SLC1A1: variants seen among roughly 807,000 people sequenced by gnomAD.
The protein encoded by SLC1A1 is excitatory amino acid transporter 3.
In SLC1A1, 43 loss-of-function variants were observed where a neutral mutation model predicts 53.3. The ratio of observed to expected loss-of-function variants is 0.81; its 90% CI spans 0.63 to 1.04. The LOEUF is 1.04. Ranked by LOEUF, SLC1A1 falls within the 50% of genes least tolerant of loss-of-function variation. The probability of loss-of-function intolerance (pLI) is 0.00; values close to 1 mark genes in which losing one functional copy is unlikely to be tolerated. For synonymous variants in SLC1A1, 307 were observed against 243.2 expected, an observed-to-expected ratio of 1.26 and a Z score of -2.44; for missense variants, 748 against 664.9, an observed-to-expected ratio of 1.12 and a Z score of -1.37.
chr9:4,557,033 A>G (rs1818461735), intron 2 of SLC1A1, among the ~76,000 whole-genome samples: 1 of 152,148 alleles, frequency 6.6e-6, no homozygotes. Flanking sequence ...GAACCAAACT[A>G]AACCACCATG....
At chr9:4,516,373 C>A (rs960568756) in intron 1 of SLC1A1, among the ~76,000 whole-genome samples, 5 of 152,172 alleles carry the variant, frequency 3.3e-5, no homozygotes, top group African/African-American at 1.2e-4. Flanking sequence ...TGTGGCAGAG[C>A]CAGAATGGCT....
At chr9:4,563,529 C>G (rs542619672) in intron 3 of SLC1A1, among the ~76,000 whole-genome samples, 16 of 152,322 alleles carry the variant, frequency 1.1e-4, no homozygotes, top group Non-Finnish European at 1.9e-4. Flanking sequence ...CATTCAGCAT[C>G]CCAGAGCCCT....
chr9:4,532,424 C>G (rs556891916), intron 1 of SLC1A1, among the ~76,000 whole-genome samples: 1 of 152,066 alleles, frequency 6.6e-6, no homozygotes, highest in Admixed American at 6.5e-5. Context: ...ATGCACAAGC[C>G]TCAGTAGCCG....
Position 4,503,916 on chromosome 9 carries a change from T to G in SLC1A1, c.91+13146T>G, listed in dbSNP as rs1264874153. 1.3e-5 allele frequency among the ~76,000 whole-genome samples: 2 copies of G among 148,232 alleles called. 1 individual carries two copies. Among genetic ancestry groups the G allele is most frequent in the African/African-American group, 5.3e-5 (2 of 37,804 alleles). ...GATCCCCTAGAAGCCCACTCAGTTG[T>G]ATGAGTTTTTGAGTGAAGACCATGA... On this transcript the variant is annotated intron_variant, in intron 1 of 11. Transcript: ENST00000262352.
chr9:4,490,864 C>G (rs1820209394), intron 1 of SLC1A1, 94 bp downstream of exon 1: 1 of 1,079,622 alleles, frequency 9.3e-7, no homozygotes, highest in Non-Finnish European at 1.4e-6. Flanking sequence ...CGCTGGCGCA[C>G]TCCATGCAGG....
intron 1 of SLC1A1, among the ~76,000 whole-genome samples, chr9:4,509,968 G>A (rs755548552): frequency 1.8e-4 from 28 of 152,078 alleles, no homozygotes; most frequent in African/African-American, 6.3e-4. Context: ...CAAGTAGCTG[G>A]GATTACAGGC....
chr9:4,490,540 A>T lies in SLC1A1; in HGVS notation c.-140A>T. 2.0e-6 allele frequency: 1 copy of T among 492,224 alleles called. No individual in the cohort carries two copies. The highest frequency in any genetic ancestry group is 3.5e-6 in the Non-Finnish European group (1 of 287,916). 30.5% of individuals were successfully genotyped at this position (492,224 alleles called of 1,614,324 possible). Reference sequence around the variant, plus strand: ...GGTGGCGGCGGCAACGGCGGTGGTGACGGCGGCGACTGCAGCGGCCGGCTC... The same window carrying T: ...GGTGGCGGCGGCAACGGCGGTGGTGTCGGCGGCGACTGCAGCGGCCGGCTC... On this transcript the variant is annotated 5_prime_UTR_variant, in exon 1 of 12. Transcript: ENST00000262352.
chr9:4,535,354 CAA>C (rs1816634871), intron 1 of SLC1A1, among the ~76,000 whole-genome samples: 2 of 152,138 alleles, frequency 1.3e-5, no homozygotes, highest in Non-Finnish European at 2.9e-5. Context: ...GCAACTTCAG[CAA>C]AGTCTCAGGA....
chr9:4,520,897 C>G (rs1313647287), intron 1 of SLC1A1, among the ~76,000 whole-genome samples: 1 of 152,190 alleles, frequency 6.6e-6, no homozygotes, highest in Non-Finnish European at 1.5e-5. Flanking sequence ...CAAAAAGATT[C>G]CAGTTTCTCC....
intron 1 of SLC1A1, among the ~76,000 whole-genome samples, chr9:4,499,120 C>G (rs1461603835): frequency 6.7e-6 from 1 of 150,086 alleles, no homozygotes; most frequent in Non-Finnish European, 1.5e-5. Context: ...TCTTGGCTCA[C>G]TGCAACCCCT....
chr9:4,531,493 G>A (rs1816467041), intron 1 of SLC1A1, among the ~76,000 whole-genome samples: 1 of 152,180 alleles, frequency 6.6e-6, no homozygotes, highest in African/African-American at 2.4e-5. Flanking sequence ...CTGCAAGGCA[G>A]CAGCGAGACT....
At chr9:4,558,408 T>C (rs994584297) in intron 2 of SLC1A1, among the ~76,000 whole-genome samples, 1 of 152,144 alleles carries the variant, frequency 6.6e-6, no homozygotes, top group Admixed American at 6.5e-5. Flanking sequence ...ATCTGATATA[T>C]CCGGGAAATT....
intron 1 of SLC1A1, among the ~76,000 whole-genome samples, chr9:4,537,166 A>G (rs1355280512): frequency 4.6e-5 from 7 of 152,202 alleles, no homozygotes; most frequent in Admixed American, 4.6e-4. Context: ...CACATTGTGC[A>G]CATGTACCCT....
intron 3 of SLC1A1, among the ~76,000 whole-genome samples, chr9:4,563,095 A>G (rs7867436): frequency 0.32 from 46,813 of 146,748 alleles, 8,326 homozygotes; most frequent in East Asian, 0.47. Flanking sequence ...ATGTGCACAT[A>G]TACCCTAAAA....
chr9:4,546,239 T>C (rs1817484659), intron 2 of SLC1A1, among the ~76,000 whole-genome samples: 2 of 152,186 alleles, frequency 1.3e-5, no homozygotes, highest in Admixed American at 1.3e-4. Flanking sequence ...AAGAGAACAT[T>C]TAATTATTTT....
At chr9:4,555,239 T>C (rs527244018) in intron 2 of SLC1A1, among the ~76,000 whole-genome samples, 1 of 152,332 alleles carries the variant, frequency 6.6e-6, no homozygotes, top group South Asian at 2.1e-4. Context: ...ACAATGAGTT[T>C]CTTGGATGTG....
chr9:4,499,871 C>T (rs1239636442), intron 1 of SLC1A1, among the ~76,000 whole-genome samples: 2 of 152,310 alleles, frequency 1.3e-5, no homozygotes, highest in East Asian at 1.9e-4. Context: ...AATGAAAACA[C>T]GCTGTGTAGA....
intron 1 of SLC1A1, among the ~76,000 whole-genome samples, chr9:4,512,424 C>T (rs920550603): frequency 6.6e-6 from 1 of 152,058 alleles, no homozygotes; most frequent in African/African-American, 2.4e-5. Flanking sequence ...GGGAGGATTG[C>T]TTGAGCCCGG....
rs1816364781 is a variant in SLC1A1 at position 4,528,860 on chromosome 9, ACATATCCGTGTCTT to A, written c.92-15703_92-15690del. Among the ~76,000 whole-genome samples the A allele has an allele frequency of 2.6e-5, 4 of 152,200 alleles. No homozygotes were observed. In the South Asian group the frequency reaches 8.3e-4, roughly 32 times the overall value. ...CGTCTCTTTCTTGTGCTCTATACACACATATCCGTGTCTTCATTAAGCATCTTCCCCTCAGTGTC... is the reference window on the plus strand; with the variant it reads ...CGTCTCTTTCTTGTGCTCTATACACACATTAAGCATCTTCCCCTCAGTGTC... On this transcript the variant is annotated intron_variant, in intron 1 of 11. Coordinates refer to ENST00000262352, the MANE Select transcript of SLC1A1 (RefSeq NM_004170.6).
Sources: allele counts gnomAD v4.1 joint callset (sites outside exome capture counted in the v4.1 genomes callset), GRCh38; gene constraint gnomAD v4.1.1; transcripts MANE v1.5; gene names NCBI Gene and HGNC (gene_info 2026-07-23, HGNC 2026-07-21).